The following GPC5 variants were observed in gnomAD, a reference collection of about 807,000 sequenced individuals.
GPC5 encodes glypican-5.
A neutral mutation model predicts 53.9 loss-of-function variants in GPC5; 47 were observed. The ratio of observed to expected loss-of-function variants is 0.87; its 90% CI spans 0.69 to 1.11. GPC5 has a LOEUF of 1.11. GPC5 is among the 50% of genes most tolerant of loss of function. The pLI, the probability that GPC5 is intolerant of heterozygous loss-of-function variation, is 0.00. For synonymous variants in GPC5, 286 were observed against 263.3 expected, an observed-to-expected ratio of 1.09 and a Z score of -0.84; for missense variants, 748 against 713.1, an observed-to-expected ratio of 1.05 and a Z score of -0.56.
At chr13:92,398,455 T>C (rs1353850334) in intron 7 of GPC5, among the ~76,000 whole-genome samples, 2 of 146,176 alleles carry the variant, frequency 1.4e-5, no homozygotes, top group African/African-American at 5.1e-5. Flanking sequence ...AAAAAATTAT[T>C]CCACTCAATT....
chr13:91,566,931 C>CTTTTT (rs372108616), intron 2 of GPC5, among the ~76,000 whole-genome samples: 1,602 of 140,782 alleles, frequency 0.011, 28 homozygotes, highest in African/African-American at 0.032. Flanking sequence ...TCTTCCAATT[C>CTTTTT]TTTTTTTTTT....
chr13:92,167,209 G>A lies in GPC5; in HGVS notation c.1561+22220G>A, dbSNP rs1451947113. On this transcript the variant is annotated intron_variant, in intron 7 of 7. Coordinates refer to ENST00000377067, the MANE Select transcript of GPC5 (RefSeq NM_004466.6). ...TTAATTGTAGAAGCAGCACTGAGGAGTGTTAACAACTCATTGTAATCCTGT... is the reference window on the plus strand; with the variant it reads ...TTAATTGTAGAAGCAGCACTGAGGAATGTTAACAACTCATTGTAATCCTGT... Among the ~76,000 whole-genome samples the A allele has an allele frequency of 2.6e-5, 4 of 152,134 alleles. No homozygotes were observed. The East Asian group carries it at 5.8e-4, about 22-fold the overall frequency.
At chr13:92,056,391 A>G (rs1566415644) in intron 6 of GPC5, among the ~76,000 whole-genome samples, 1 of 152,176 alleles carries the variant, frequency 6.6e-6, no homozygotes, top group Non-Finnish European at 1.5e-5. Context: ...TAATTTAATC[A>G]CAACCACAAA....
intron 3 of GPC5, among the ~76,000 whole-genome samples, chr13:91,703,332 G>T (rs2036032398): frequency 6.6e-6 from 1 of 152,022 alleles, no homozygotes; most frequent in Non-Finnish European, 1.5e-5. Flanking sequence ...GGCCCTTATT[G>T]TATTGAGATA....
intron 7 of GPC5, among the ~76,000 whole-genome samples, chr13:92,814,700 C>T (rs895404804): frequency 6.6e-6 from 1 of 151,308 alleles, no homozygotes; most frequent in Non-Finnish European, 1.5e-5. Flanking sequence ...AAAATAAAAA[C>T]TTCATCAAAA....
intron 1 of GPC5, among the ~76,000 whole-genome samples, chr13:91,410,926 T>A (rs1877720518): frequency 1.3e-5 from 2 of 151,910 alleles, no homozygotes; most frequent in South Asian, 4.2e-4. Context: ...CTGGCCAACA[T>A]GGTGAAACCC....
At chr13:91,695,211 T>A (rs2035854292) in intron 3 of GPC5, among the ~76,000 whole-genome samples, 2 of 152,102 alleles carry the variant, frequency 1.3e-5, no homozygotes, top group Admixed American at 6.6e-5. Context: ...GGTCTTCTTG[T>A]CTTCTCACAT....
At chr13:92,236,846 A>T (rs1207898100) in intron 7 of GPC5, among the ~76,000 whole-genome samples, 1 of 149,704 alleles carries the variant, frequency 6.7e-6, no homozygotes, top group African/African-American at 2.4e-5. Flanking sequence ...ATTTATCAGC[A>T]TTTTTTTTTT....
chr13:92,165,665 G>A (rs2042022242), intron 7 of GPC5, among the ~76,000 whole-genome samples: 1 of 152,190 alleles, frequency 6.6e-6, no homozygotes, highest in Admixed American at 6.5e-5. Context: ...AACACATGGG[G>A]ATTACAATTT....
intron 7 of GPC5, among the ~76,000 whole-genome samples, chr13:92,366,657 C>T (rs377644618): frequency 1.3e-5 from 2 of 152,346 alleles, no homozygotes; most frequent in African/African-American, 4.8e-5. Flanking sequence ...AGGCCACGAG[C>T]ATTTACAGCT....
chr13:91,508,245 G>A (rs1885050487), intron 2 of GPC5, among the ~76,000 whole-genome samples: 1 of 152,198 alleles, frequency 6.6e-6, no homozygotes, highest in Admixed American at 6.5e-5. Flanking sequence ...TTAGATGTGA[G>A]AGATGCTAAT....
At chr13:91,544,980 G>GCCTCAATTCCTTT (rs2138776729) in intron 2 of GPC5, among the ~76,000 whole-genome samples, 1 of 152,262 alleles carries the variant, frequency 6.6e-6, no homozygotes, top group South Asian at 2.1e-4. Context: ...AACACAGGAG[G>GCCTCAATTCCTTT]CCTCAATTCC....
intron 7 of GPC5, among the ~76,000 whole-genome samples, chr13:92,813,500 C>T (rs914143254): frequency 3.3e-5 from 5 of 151,874 alleles, no homozygotes; most frequent in African/African-American, 4.9e-5. Flanking sequence ...TCCATAGTTC[C>T]AAACTAATTT....
At chr13:91,906,032 AC>A (rs997136168) in intron 5 of GPC5, among the ~76,000 whole-genome samples, 4 of 150,936 alleles carry the variant, frequency 2.7e-5, no homozygotes, top group East Asian at 1.9e-4. Context: ...TTTATCCCTC[AC>A]CCCCCCTGCC....
intron 2 of GPC5, among the ~76,000 whole-genome samples, chr13:91,540,978 G>A (rs1422009699): frequency 1.3e-5 from 2 of 151,974 alleles, no homozygotes; most frequent in African/African-American, 2.4e-5. Flanking sequence ...TTTGGTGAAC[G>A]ATGAGTGAAG....
At chr13:92,410,632 G>A (rs1047823047) in intron 7 of GPC5, among the ~76,000 whole-genome samples, 1 of 152,202 alleles carries the variant, frequency 6.6e-6, no homozygotes. Context: ...AAAAGACGAT[G>A]ATTGAGAACT....
At chr13:92,517,740 C>G (rs551735798) in intron 7 of GPC5, among the ~76,000 whole-genome samples, 1 of 151,998 alleles carries the variant, frequency 6.6e-6, no homozygotes, top group South Asian at 2.1e-4. Context: ...AAAAACAAAG[C>G]AGAAAAGCTG....
At chr13:92,430,927 G>T (rs188294367) in intron 7 of GPC5, among the ~76,000 whole-genome samples, 1 of 152,062 alleles carries the variant, frequency 6.6e-6, no homozygotes, top group Non-Finnish European at 1.5e-5. Context: ...CTAGTAAATA[G>T]TGACTTCTAA....
intron 3 of GPC5, among the ~76,000 whole-genome samples, chr13:91,699,091 T>A (rs2035942450): frequency 6.6e-6 from 1 of 152,216 alleles, no homozygotes; most frequent in South Asian, 2.1e-4. Context: ...CAAACATGGA[T>A]GAAATTATTT....
Sources: gnomAD v4.1 joint callset for allele counts (sites outside exome capture counted in the v4.1 genomes callset) on GRCh38, gnomAD v4.1.1 for gene constraint, MANE v1.5 for transcripts, NCBI Gene and HGNC (gene_info 2026-07-23, HGNC 2026-07-21) for gene names.